Variants in SLC24A2 observed in about 807,000 individuals in gnomAD.
SLC24A2 encodes the protein sodium/potassium/calcium exchanger 2.
SLC24A2 carries 36 observed loss-of-function variants against 62.0 expected under a neutral mutation model. That is an observed-to-expected ratio of 0.58 (90% confidence interval 0.44 to 0.77). The LOEUF (loss-of-function observed/expected upper bound fraction) is 0.77, where lower values mean the gene tolerates loss of function less well. Ranked by LOEUF, SLC24A2 falls within the 30% of genes least tolerant of loss-of-function variation. The pLI is 0.00. For synonymous variants in SLC24A2, 358 were observed against 294.0 expected (o/e 1.22, Z -2.23); for missense variants, 846 against 817.9 (o/e 1.03, Z -0.42).
the SLC24A2 span, among the ~76,000 whole-genome samples, chr9:20,144,197 G>A: frequency 1.3e-5 from 2 of 152,170 alleles, no homozygotes; most frequent in Admixed American, 6.5e-5. Flanking sequence ...ACTCTCTGAG[G>A]CTTTTTCTGT....
the SLC24A2 span, among the ~76,000 whole-genome samples, chr9:19,963,276 C>T: frequency 6.7e-6 from 1 of 148,874 alleles, no homozygotes; most frequent in South Asian, 2.2e-4. Flanking sequence ...TAGAAGAAAA[C>T]CTAGGCAATA....
chr9:19,813,634 A>C, the SLC24A2 span, among the ~76,000 whole-genome samples: 1 of 151,952 alleles, frequency 6.6e-6, no homozygotes, highest in Non-Finnish European at 1.5e-5. Flanking sequence ...TCCTCTTTTC[A>C]AAATTTAATC....
the SLC24A2 span, among the ~76,000 whole-genome samples, chr9:20,167,525 T>C: frequency 2.0e-5 from 3 of 151,960 alleles, 1 homozygote; most frequent in African/African-American, 4.8e-5. Context: ...CTAGAAGCAA[T>C]GACACACCCA....
chr9:19,889,076 T>C, the SLC24A2 span, among the ~76,000 whole-genome samples: 1 of 152,160 alleles, frequency 6.6e-6, no homozygotes, highest in African/African-American at 2.4e-5. Flanking sequence ...GTAGAGACAC[T>C]GAATAAGCAG....
At chr9:20,154,638 T>A in the SLC24A2 span, among the ~76,000 whole-genome samples, 2 of 62,046 alleles carry the variant, frequency 3.2e-5, no homozygotes, top group African/African-American at 1.2e-4. Flanking sequence ...CAACTCAGTG[T>A]TTTCTAAGGT....
At chr9:20,064,353 G>A in the SLC24A2 span, among the ~76,000 whole-genome samples, 1 of 152,140 alleles carries the variant, frequency 6.6e-6, no homozygotes, top group Non-Finnish European at 1.5e-5. Context: ...GATTTGTGAG[G>A]AACTCAGGGA....
At chr9:20,238,173 T>C in the SLC24A2 span, among the ~76,000 whole-genome samples, 1 of 152,334 alleles carries the variant, frequency 6.6e-6, no homozygotes, top group South Asian at 2.1e-4. Flanking sequence ...GCCTGACACC[T>C]GCCAAGTACT....
the SLC24A2 span, among the ~76,000 whole-genome samples, chr9:19,910,959 C>T: frequency 1.3e-5 from 2 of 150,192 alleles, no homozygotes; most frequent in African/African-American, 4.9e-5. Context: ...GGTACATGTG[C>T]ACAATGTGCA....
chr9:19,941,811 A>G, the SLC24A2 span, among the ~76,000 whole-genome samples: 394 of 152,294 alleles, frequency 2.6e-3, 1 homozygote, highest in Non-Finnish European at 3.7e-3. Flanking sequence ...TTCTGTTTCC[A>G]TTCCATTAAA....
At chr9:20,278,329 T>C in the SLC24A2 span, among the ~76,000 whole-genome samples, 2 of 152,224 alleles carry the variant, frequency 1.3e-5, no homozygotes, top group African/African-American at 4.8e-5. Flanking sequence ...CTGCTTCCCT[T>C]TTAAATATAA....
the SLC24A2 span, among the ~76,000 whole-genome samples, chr9:19,955,825 T>A: frequency 6.6e-6 from 1 of 152,216 alleles, no homozygotes; most frequent in Non-Finnish European, 1.5e-5. Flanking sequence ...ACTATAACTA[T>A]AGTTACTATC....
chr9:19,841,408 AAAAGAAG>A, the SLC24A2 span, among the ~76,000 whole-genome samples: 3 of 152,186 alleles, frequency 2.0e-5, no homozygotes, highest in African/African-American at 7.2e-5. Flanking sequence ...CATCCTTGGT[AAAAGAAG>A]AGCAAGGTGA....
At chr9:20,190,458 G>A in the SLC24A2 span, among the ~76,000 whole-genome samples, 561 of 152,278 alleles carry the variant, frequency 3.7e-3, 5 homozygotes, top group African/African-American at 0.013. Context: ...CCAGAAGCTG[G>A]TAAGAAGCGA....
the SLC24A2 span, among the ~76,000 whole-genome samples, chr9:20,287,495 G>A: frequency 6.6e-6 from 1 of 152,182 alleles, no homozygotes; most frequent in Non-Finnish European, 1.5e-5. Context: ...GATAACCACA[G>A]AACAAAAGGG....
chr9:19,959,592 G>C, the SLC24A2 span, among the ~76,000 whole-genome samples: 1 of 152,154 alleles, frequency 6.6e-6, no homozygotes, highest in Non-Finnish European at 1.5e-5. Context: ...TAAGTGTCTG[G>C]TGAATAAATG....
chr9:20,162,913 T>G, the SLC24A2 span, among the ~76,000 whole-genome samples: 1 of 152,120 alleles, frequency 6.6e-6, no homozygotes, highest in South Asian at 2.1e-4. Flanking sequence ...AGAAAAGGCC[T>G]TTGATAAAAT....
At chr9:19,880,782 G>A in the SLC24A2 span, among the ~76,000 whole-genome samples, 1 of 152,290 alleles carries the variant, frequency 6.6e-6, no homozygotes, top group South Asian at 2.1e-4. Context: ...GATATGTTAA[G>A]TTTGAAATTC....
intron 2 of SLC24A2, among the ~76,000 whole-genome samples, chr9:19,710,230 C>A (rs541132704): frequency 2.0e-5 from 3 of 152,306 alleles, no homozygotes; most frequent in South Asian, 4.1e-4. Context: ...ATGTGACCAT[C>A]ATCTGCCCCT....
chr9:19,787,412 T>G (rs1823208026), intron 1 of SLC24A2, among the ~76,000 whole-genome samples: 1 of 152,252 alleles, frequency 6.6e-6, no homozygotes. Context: ...TAAAGGTACC[T>G]AGACTTCTTT....
Sources: gnomAD v4.1 joint callset for allele counts (sites outside exome capture counted in the v4.1 genomes callset) on GRCh38, gnomAD v4.1.1 for gene constraint, MANE v1.5 for transcripts, NCBI Gene and HGNC (gene_info 2026-07-23, HGNC 2026-07-21) for gene names.